The following RPRD2 variants were observed in gnomAD, a reference collection of about 807,000 sequenced individuals.
RPRD2 encodes regulation of nuclear pre-mRNA domain-containing protein 2.
In RPRD2, 12 loss-of-function variants were observed where a neutral mutation model predicts 104.4. The observed-to-expected ratio is 0.11, with a 90% CI of 0.07 to 0.19. The LOEUF (loss-of-function observed/expected upper bound fraction) is 0.19. RPRD2 is among the 10% of genes least tolerant of loss of function. The probability of loss-of-function intolerance (pLI) is 1.00; values close to 1 mark genes in which losing one functional copy is unlikely to be tolerated. For synonymous variants in RPRD2, 714 were observed against 684.9 expected (o/e 1.04, Z -0.66); for missense variants, 1,543 against 1,790.1 (o/e 0.86, Z 2.49).
intron 1 of RPRD2, among the ~76,000 whole-genome samples, chr1:150,412,166 C>A (rs1455124346): frequency 1.3e-5 from 2 of 152,110 alleles, no homozygotes; most frequent in Non-Finnish European, 2.9e-5. Context: ...TTCCAGTCTT[C>A]TGGATGCTTA....
Position 150,476,254 on chromosome 1 carries a change from G to A in RPRD2, c.*2920G>A, listed in dbSNP as rs989865511. On this transcript the variant is annotated 3_prime_UTR_variant, in exon 11 of 11. Transcript: ENST00000369068. ...TATATATGGGTCCAGCAAACCTATC[G>A]AGATAATGTGAATACGATAAACTTC... is the stretch of plus-strand genomic sequence containing the variant. 2.0e-5 allele frequency: 3 copies of A among 152,108 alleles called. No individual in the cohort carries two copies. Among genetic ancestry groups the A allele is most frequent in the East Asian group, 1.9e-4 (1 of 5,200 alleles). 9.4% of individuals were successfully genotyped at this position (152,108 alleles called of 1,614,324 possible). A position where few individuals can be genotyped will look rare whatever the true frequency, so the allele number is the denominator to read the frequency against.
At chr1:150,373,069 A>G (rs1660436684) in intron 1 of RPRD2, among the ~76,000 whole-genome samples, 1 of 151,492 alleles carries the variant, frequency 6.6e-6, no homozygotes, top group African/African-American at 2.4e-5. Context: ...GCTGGAGTGC[A>G]ATGGCACCAT....
chr1:150,410,508 T>G (rs1213686465), intron 1 of RPRD2, among the ~76,000 whole-genome samples: 4 of 152,170 alleles, frequency 2.6e-5, no homozygotes, highest in Non-Finnish European at 2.9e-5. Flanking sequence ...TATTTTTGAA[T>G]AATTTCAGAT....
Position 150,446,399 on chromosome 1 carries a change from A to T in RPRD2, c.868A>T (p.Asn290Tyr). 1 of 1,585,578 alleles carries T rather than the reference A, an allele frequency of 6.3e-7. No homozygotes were observed. Among genetic ancestry groups the T allele is most frequent in the East Asian group, 2.2e-5 (1 of 44,728 alleles). ...AQYKEVKVVA[N>Y]AYKTFANRVN... ...ATACAAAGAAGTAAAAGTGGTGGCT[A>T]ATGTAAGTAATAATTAAAGCTGTCT... is the stretch of plus-strand genomic sequence containing the variant. Residue 290 changes from asparagine to tyrosine, a missense_variant and splice_region_variant, in exon 7 of 11, where the codon AAT becomes TAT. By Grantham distance (143) the Asn-to-Tyr change is moderately radical. Transcript: ENST00000369068.
At chr1:150,378,930 C>T (rs1013067597) in intron 1 of RPRD2, among the ~76,000 whole-genome samples, 1 of 146,314 alleles carries the variant, frequency 6.8e-6, no homozygotes, top group African/African-American at 2.5e-5. Context: ...TGCAGTGAGC[C>T]GAGATGGTGC....
chr1:150,455,357 C>T (rs1189535214), intron 7 of RPRD2, among the ~76,000 whole-genome samples: 1 of 152,050 alleles, frequency 6.6e-6, no homozygotes, highest in African/African-American at 2.4e-5. Flanking sequence ...CAAAAATTAG[C>T]CAGGTGTGGG....
intron 1 of RPRD2, among the ~76,000 whole-genome samples, chr1:150,402,979 A>C (rs1438339089): frequency 5.9e-5 from 8 of 134,996 alleles, no homozygotes; most frequent in Admixed American, 1.4e-4. Context: ...AAAAAAACAA[A>C]AACAAAAAAG....
chr1:150,434,355 G>GTA (rs782612149), intron 2 of RPRD2, among the ~76,000 whole-genome samples: 13 of 151,834 alleles, frequency 8.6e-5, no homozygotes, highest in East Asian at 1.9e-4. Context: ...GACTGTCTAT[G>GTA]TATATATATA....
intron 1 of RPRD2, among the ~76,000 whole-genome samples, chr1:150,381,725 C>T (rs967940087): frequency 1.3e-5 from 2 of 151,934 alleles, no homozygotes; most frequent in Admixed American, 6.6e-5. Flanking sequence ...AGGATGGTCT[C>T]GATCTCCTAA....
chr1:150,464,425 G>T (rs1199294622), intron 9 of RPRD2, 102 bp from the exon 10 acceptor site: 3 of 768,548 alleles, frequency 3.9e-6, no homozygotes, highest in South Asian at 1.6e-5. Context: ...AACCACAGAA[G>T]AATTCCTGTT....
intron 1 of RPRD2, among the ~76,000 whole-genome samples, chr1:150,400,032 C>T (rs1662854075): frequency 2.6e-5 from 4 of 152,118 alleles, no homozygotes; most frequent in South Asian, 2.1e-4. Flanking sequence ...TGGTATATCT[C>T]GCCATTTATT....
rs1668749237 is a variant in RPRD2 at position 150,473,585 on chromosome 1, GAAAC to G, written c.*253_*256del. 1 of 160,970 alleles carries G rather than the reference GAAAC, an allele frequency of 6.2e-6. No homozygotes were observed. The allele number at this position is 160,970 out of a possible 1,614,324, so 10.0% of individuals were successfully genotyped here. ...AAAAAAAAAAAAAAAAAAAAGTAAA[GAAAC>G]ACAACCAAAGCCATTTCATTTGGCT... On this transcript the variant is annotated 3_prime_UTR_variant, in exon 11 of 11. Transcript: ENST00000369068.
At chr1:150,370,106 C>G (rs950888039) in intron 1 of RPRD2, among the ~76,000 whole-genome samples, 1 of 151,766 alleles carries the variant, frequency 6.6e-6, no homozygotes, top group South Asian at 2.1e-4. Context: ...TTTGTAGAGA[C>G]GAGGTATTGC....
chr1:150,451,426 G>A (rs868951368), intron 7 of RPRD2, among the ~76,000 whole-genome samples: 3 of 152,098 alleles, frequency 2.0e-5, no homozygotes, highest in Non-Finnish European at 2.9e-5. Flanking sequence ...TGTAATCCCA[G>A]CACTTTGGGA....
chr1:150,396,297 TG>T (rs1245862815), intron 1 of RPRD2, among the ~76,000 whole-genome samples: 3 of 152,078 alleles, frequency 2.0e-5, no homozygotes. Context: ...TCCCACTCTG[TG>T]GATTGTCTGT....
At chr1:150,387,567 C>CTTTTTTTTTTTTTTTTTTTTTTTTT (rs562476167) in intron 1 of RPRD2, among the ~76,000 whole-genome samples, 1 of 73,742 alleles carries the variant, frequency 1.4e-5, no homozygotes, top group Non-Finnish European at 2.5e-5. Flanking sequence ...TGCAACAGAC[C>CTTTTTTTTTTTTTTTTTTTTTTTTT]TTTTTTTTTT....
chr1:150,475,523 T>C lies in RPRD2; in HGVS notation c.*2189T>C, dbSNP rs1393928501. The C allele has an allele frequency of 1.3e-5, 2 of 152,596 alleles. No individual in the cohort carries two copies. Among genetic ancestry groups the C allele is most frequent in the Non-Finnish European group, 2.9e-5 (2 of 68,032 alleles). The allele number at this position is 152,596 out of a possible 1,614,324, so 9.5% of individuals were successfully genotyped here. A position where few individuals can be genotyped will look rare whatever the true frequency, so the allele number is the denominator to read the frequency against. On this transcript the variant is annotated 3_prime_UTR_variant, in exon 11 of 11. Coordinates refer to ENST00000369068, the MANE Select transcript of RPRD2 (RefSeq NM_015203.5). ...GATGGTTAATACATGAAAGGAAGAC[T>C]TTGTTGGACAGTTTCGAAGGTGGGC...
At chr1:150,458,604 AGAATTTTTAAATTACATGT>A (rs1189536485) in intron 8 of RPRD2, among the ~76,000 whole-genome samples, 1 of 152,206 alleles carries the variant, frequency 6.6e-6, no homozygotes, top group Admixed American at 6.5e-5. Context: ...TGAATAAAAT[AGAATTTTTAAATTACATGT>A]GTCTGTTTCT....
intron 2 of RPRD2, among the ~76,000 whole-genome samples, chr1:150,437,236 C>T (rs1337476717): frequency 6.6e-6 from 1 of 152,100 alleles, no homozygotes; most frequent in African/African-American, 2.4e-5. Context: ...TGGCTTTTAA[C>T]ACCTGTAATC....
Sources: gnomAD v4.1 joint callset for allele counts (sites outside exome capture counted in the v4.1 genomes callset) on GRCh38, gnomAD v4.1.1 for gene constraint, MANE v1.5 for transcripts, NCBI Gene and HGNC (gene_info 2026-07-23, HGNC 2026-07-21) for gene names.